CTIF: variants seen among roughly 807,000 people sequenced by gnomAD.
The protein encoded by CTIF is cap binding complex dependent translation initiation factor.
A neutral mutation model predicts 66.0 loss-of-function variants in CTIF; 21 were observed. The observed-to-expected ratio is 0.32, with a 90% CI of 0.23 to 0.46. The LOEUF is 0.46. Among genes scored for constraint, CTIF ranks in the 20% least tolerant of loss-of-function variants. CTIF has a pLI of 1.00. For missense variants in CTIF, 739 were observed against 812.7 expected, an observed-to-expected ratio of 0.91 and a Z score of 1.10; for synonymous variants, 345 against 326.4, an observed-to-expected ratio of 1.06 and a Z score of -0.62.
At chr18:48,626,355 T>C (rs186142005) in intron 2 of CTIF, among the ~76,000 whole-genome samples, 154 of 151,770 alleles carry the variant, frequency 1.0e-3, no homozygotes, top group Non-Finnish European at 1.5e-3. Context: ...TTTTCTTTTT[T>C]TCTTTTTTTT....
chr18:48,670,745 GTA>G lies in CTIF; in HGVS notation c.507+2_507+3del. Reference sequence around the variant, plus strand: ...CGAGAAGGTCCTTCCAGCCTGGCAGGTAGGTGCAGGGGCAGGCTCTCTAACAG... The same window carrying G: ...CGAGAAGGTCCTTCCAGCCTGGCAGGGGTGCAGGGGCAGGCTCTCTAACAG... On this transcript the variant is annotated splice_donor_variant and splice_donor_region_variant and intron_variant, in intron 6 of 11. Coordinates refer to ENST00000256413, the MANE Select transcript of CTIF (RefSeq NM_014772.3). LOFTEE classifies it high-confidence loss of function. 6.2e-7 allele frequency: 1 copy of G among 1,613,772 alleles called. No individual in the cohort carries two copies. The highest frequency in any genetic ancestry group is 8.5e-7 in the Non-Finnish European group (1 of 1,179,668).
intron 1 of CTIF, among the ~76,000 whole-genome samples, chr18:48,547,827 G>T (rs146048133): frequency 0.011 from 1,609 of 152,310 alleles, 18 homozygotes; most frequent in Non-Finnish European, 0.017. Context: ...CTGCATAGGC[G>T]CAGTCTGTGA....
intron 2 of CTIF, among the ~76,000 whole-genome samples, chr18:48,627,149 TCTC>T (rs879805202): frequency 1.3e-5 from 2 of 152,240 alleles, no homozygotes; most frequent in East Asian, 1.9e-4. Flanking sequence ...GTTTTAATGA[TCTC>T]CTAGACATTG....
At chr18:48,773,041 G>C (rs964508567) in intron 9 of CTIF, among the ~76,000 whole-genome samples, 1 of 152,200 alleles carries the variant, frequency 6.6e-6, no homozygotes, top group Non-Finnish European at 1.5e-5. Flanking sequence ...AAGTCTATAA[G>C]GGGGACCGAC....
At chr18:48,604,429 C>T (rs190344591) in intron 1 of CTIF, among the ~76,000 whole-genome samples, 29 of 152,120 alleles carry the variant, frequency 1.9e-4, no homozygotes, top group African/African-American at 6.0e-4. Context: ...CTGCCCACCT[C>T]GGCCTCCCAA....
chr18:48,805,019 T>C (rs972719510), intron 9 of CTIF, among the ~76,000 whole-genome samples: 1 of 152,200 alleles, frequency 6.6e-6, no homozygotes, highest in African/African-American at 2.4e-5. Context: ...GGCTTAACAT[T>C]GCTAAATCCT....
chr18:48,801,023 G>GAAC (rs1219404494), intron 9 of CTIF, among the ~76,000 whole-genome samples: 2 of 152,138 alleles, frequency 1.3e-5, no homozygotes, highest in African/African-American at 4.8e-5. Flanking sequence ...GCCTCCTTGG[G>GAAC]AACAACACAA....
intron 1 of CTIF, among the ~76,000 whole-genome samples, chr18:48,560,974 C>A (rs2089145065): frequency 1.3e-5 from 2 of 152,154 alleles, no homozygotes; most frequent in African/African-American, 4.8e-5. Flanking sequence ...TGCAGTGGCT[C>A]ACGCCTGTAA....
rs528479538 is a variant in CTIF, at chr18:48,696,408, C to T, written c.508-15211C>T. ...TTGGGCTGGCCTACCTCCTTGGACCCTGCTGCCCATCCATCGCAGGGTGGA... is the reference window on the plus strand; with the variant it reads ...TTGGGCTGGCCTACCTCCTTGGACCTTGCTGCCCATCCATCGCAGGGTGGA... On this transcript the variant is annotated intron_variant, in intron 6 of 11. Coordinates refer to ENST00000256413, the MANE Select transcript of CTIF (RefSeq NM_014772.3). Among the ~76,000 whole-genome samples, 62 of 152,318 alleles carry T rather than the reference C, an allele frequency of 4.1e-4. No homozygotes were observed. In the Middle Eastern group the frequency reaches 0.014, roughly 33 times the overall value.
At chr18:48,626,657 T>G (rs900524877) in intron 2 of CTIF, among the ~76,000 whole-genome samples, 1,671 of 86,932 alleles carry the variant, frequency 0.019, 9 homozygotes, top group African/African-American at 0.1. Context: ...TTTTTTTTTG[T>G]TTTTTTTTTT....
At chr18:48,594,942 G>T (rs1051963198) in intron 1 of CTIF, among the ~76,000 whole-genome samples, 1 of 152,202 alleles carries the variant, frequency 6.6e-6, no homozygotes. Flanking sequence ...TGCTGTCAGG[G>T]CCTGCTGGGC....
intron 1 of CTIF, among the ~76,000 whole-genome samples, chr18:48,583,543 A>G (rs947719531): frequency 3.3e-5 from 5 of 151,764 alleles, no homozygotes; most frequent in Non-Finnish European, 1.5e-5. Context: ...CCTGCTATGC[A>G]CTCTCCTCAC....
intron 9 of CTIF, among the ~76,000 whole-genome samples, chr18:48,772,375 A>C (rs762978923): frequency 4.7e-5 from 7 of 150,506 alleles, no homozygotes; most frequent in Non-Finnish European, 1.0e-4. Context: ...GTTCAGCAGT[A>C]CCCCGCATAC....
chr18:48,738,726 A>G (rs2092527080), intron 7 of CTIF, among the ~76,000 whole-genome samples: 1 of 152,152 alleles, frequency 6.6e-6, no homozygotes. Context: ...CCACTTCCGT[A>G]GGCCTTCCCA....
intron 1 of CTIF, chr18:48,564,805 T>TGGGGG (rs5824759): frequency 4.9e-4 from 74 of 151,720 alleles, no homozygotes; most frequent in African/African-American, 1.7e-3. Flanking sequence ...TTTGTAGAGA[T>TGGGGG]GGGGGGTCTC....
At chr18:48,723,116 G>C (rs571251583) in intron 7 of CTIF, among the ~76,000 whole-genome samples, 44 of 152,310 alleles carry the variant, frequency 2.9e-4, no homozygotes, top group Non-Finnish European at 4.6e-4. Flanking sequence ...TTCCAGGCGT[G>C]TGCTGCTAAC....
At position 48,769,831 on chromosome 18, in the gene CTIF, T is replaced by C. The variant is rs147038441; in HGVS notation, c.1371+8142T>C. Reference sequence around the variant, plus strand: ...CTTATTGAGCACCTGCTATATACCATGCACTGTGGCAGGTCCTGTATGTCT... The same window carrying C: ...CTTATTGAGCACCTGCTATATACCACGCACTGTGGCAGGTCCTGTATGTCT... On this transcript the variant is annotated intron_variant, in intron 9 of 11. Coordinates refer to ENST00000256413, the MANE Select transcript of CTIF (RefSeq NM_014772.3). Among the ~76,000 whole-genome samples the C allele has an allele frequency of 1.2e-4, 19 of 152,386 alleles. No homozygotes were observed. The East Asian group carries it at 3.7e-3, about 29-fold the overall frequency.
rs574047146 is a variant in CTIF at position 48,568,599 on chromosome 18, C to T, written c.-29+29287C>T. Among the ~76,000 whole-genome samples, 54 of 116,990 alleles carry T rather than the reference C, an allele frequency of 4.6e-4. 1 individual carries two copies. The highest frequency in any genetic ancestry group is 0.017 in the Middle Eastern group (2 of 116). The allele number at this position is 116,990 out of a possible 152,430, so 76.7% of individuals were successfully genotyped here. A position where few individuals can be genotyped will look rare whatever the true frequency, so the allele number is the denominator to read the frequency against. On this transcript the variant is annotated intron_variant, in intron 1 of 11. Transcript: ENST00000256413. ...TTGGTGTAATAGTCCATTTTTATATCACTATGAAGAAATACCTGAGACTGG... is the reference window on the plus strand; with the variant it reads ...TTGGTGTAATAGTCCATTTTTATATTACTATGAAGAAATACCTGAGACTGG...
intron 1 of CTIF, among the ~76,000 whole-genome samples, chr18:48,603,570 G>T: frequency 6.7e-6 from 1 of 149,196 alleles, no homozygotes. Context: ...TAAATGGGGG[G>T]GTGGATGGCT....
Sources: gnomAD v4.1 joint callset for allele counts (sites outside exome capture counted in the v4.1 genomes callset) on GRCh38, gnomAD v4.1.1 for gene constraint, MANE v1.5 for transcripts, NCBI Gene and HGNC (gene_info 2026-07-23, HGNC 2026-07-21) for gene names.